SPATA16: variants seen among roughly 807,000 people sequenced by gnomAD.
SPATA16 encodes spermatogenesis associated 16, also known as spermatogenesis-associated protein 16.
SPATA16 carries 36 observed loss-of-function variants against 63.3 expected under a neutral mutation model. The observed-to-expected ratio is 0.57, with a 90% CI of 0.44 to 0.75. SPATA16 has a LOEUF of 0.75. SPATA16 is among the 30% of genes least tolerant of loss of function. The probability of loss-of-function intolerance (pLI) is 0.00; values close to 1 mark genes in which losing one functional copy is unlikely to be tolerated. For missense variants in SPATA16, 646 were observed against 679.3 expected (o/e 0.95, Z 0.54); for synonymous variants, 203 against 216.7 (o/e 0.94, Z 0.56).
chr3:172,979,156 G>C (rs1734238453), intron 4 of SPATA16, among the ~76,000 whole-genome samples: 1 of 152,206 alleles, frequency 6.6e-6, no homozygotes, highest in South Asian at 2.1e-4. Flanking sequence ...AGGATGCCGT[G>C]AACCCAGGAG....
intron 10 of SPATA16, among the ~76,000 whole-genome samples, chr3:172,911,016 C>G (rs1374196242): frequency 6.6e-6 from 1 of 152,138 alleles, no homozygotes; most frequent in Non-Finnish European, 1.5e-5. Context: ...CTCTGCAATT[C>G]CATTTCTTTT....
intron 1 of SPATA16, among the ~76,000 whole-genome samples, chr3:173,131,345 C>G (rs998605149): frequency 7.2e-5 from 11 of 152,128 alleles, no homozygotes; most frequent in African/African-American, 2.7e-4. Flanking sequence ...AAGACCAAAT[C>G]ATTTGTTTCA....
At chr3:172,894,455 T>C (rs1731963212) in intron 10 of SPATA16, among the ~76,000 whole-genome samples, 1 of 147,058 alleles carries the variant, frequency 6.8e-6, no homozygotes, top group Admixed American at 6.9e-5. Context: ...AACATAAAAA[T>C]CTGGGGTACC....
At chr3:173,138,135 A>G (rs950736961) in intron 1 of SPATA16, among the ~76,000 whole-genome samples, 1 of 152,048 alleles carries the variant, frequency 6.6e-6, no homozygotes, top group African/African-American at 2.4e-5. Flanking sequence ...CTCAAGCTAT[A>G]ACTTCGGTGA....
intron 1 of SPATA16, among the ~76,000 whole-genome samples, chr3:173,120,932 G>GA (rs1434201344): frequency 1.3e-5 from 2 of 151,900 alleles, no homozygotes; most frequent in East Asian, 1.9e-4. Flanking sequence ...TTTTACACAA[G>GA]AAAAAATAAC....
At chr3:173,054,928 A>G (rs1215166946) in intron 2 of SPATA16, among the ~76,000 whole-genome samples, 1 of 152,206 alleles carries the variant, frequency 6.6e-6, no homozygotes, top group African/African-American at 2.4e-5. Context: ...TTCTCTGACT[A>G]TAATGGAATA....
chr3:173,128,714 A>C (rs1327459246), intron 1 of SPATA16, among the ~76,000 whole-genome samples: 1 of 152,254 alleles, frequency 6.6e-6, no homozygotes, highest in Non-Finnish European at 1.5e-5. Context: ...AATGTTTAAC[A>C]AGGGTCAGAT....
intron 10 of SPATA16, among the ~76,000 whole-genome samples, chr3:172,904,051 T>A (rs1165373269): frequency 6.6e-6 from 1 of 152,218 alleles, no homozygotes; most frequent in Non-Finnish European, 1.5e-5. Flanking sequence ...ATTTCAAAAT[T>A]AAACCCTGTC....
chr3:172,901,843 A>C (rs1732132969), intron 10 of SPATA16, among the ~76,000 whole-genome samples: 1 of 152,120 alleles, frequency 6.6e-6, no homozygotes, highest in Admixed American at 6.5e-5. Flanking sequence ...TCACTGACAC[A>C]ACATTGTGGG....
chr3:172,986,746 G>A (rs1345995383), intron 4 of SPATA16, among the ~76,000 whole-genome samples: 6 of 152,160 alleles, frequency 3.9e-5, no homozygotes, highest in East Asian at 1.9e-4. Context: ...GCTGTTGTAC[G>A]GTTTTAAATA....
At chr3:172,896,244 G>A (rs144166008) in intron 10 of SPATA16, among the ~76,000 whole-genome samples, 4 of 152,076 alleles carry the variant, frequency 2.6e-5, no homozygotes, top group Admixed American at 6.6e-5. Flanking sequence ...TTTTTGAGAC[G>A]GAGTCTCGCT....
At chr3:173,137,351 G>A (rs1236551442) in intron 1 of SPATA16, among the ~76,000 whole-genome samples, 1 of 152,132 alleles carries the variant, frequency 6.6e-6, no homozygotes, top group Non-Finnish European at 1.5e-5. Flanking sequence ...TGCGAATTAG[G>A]GTGGTAGAAG....
chr3:172,980,636 C>G (rs1734281340), intron 4 of SPATA16, among the ~76,000 whole-genome samples: 1 of 152,146 alleles, frequency 6.6e-6, no homozygotes, highest in Non-Finnish European at 1.5e-5. Context: ...TAGATCTCAT[C>G]CAATCGCGCC....
chr3:173,041,587 A>G (rs1193961066), intron 3 of SPATA16, among the ~76,000 whole-genome samples: 1 of 152,156 alleles, frequency 6.6e-6, no homozygotes, highest in African/African-American at 2.4e-5. Context: ...CAGTAACAAC[A>G]CTAATACTTA....
At chr3:172,986,572 G>T (rs986249807) in intron 4 of SPATA16, among the ~76,000 whole-genome samples, 1 of 152,160 alleles carries the variant, frequency 6.6e-6, no homozygotes. Flanking sequence ...GCCCGAGAAG[G>T]GCATTCTAGG....
intron 5 of SPATA16, among the ~76,000 whole-genome samples, chr3:172,971,883 T>C (rs1417784190): frequency 6.6e-6 from 1 of 152,100 alleles, no homozygotes; most frequent in African/African-American, 2.4e-5. Flanking sequence ...GTTGTTGCAA[T>C]AGTGACAATC....
intron 4 of SPATA16, among the ~76,000 whole-genome samples, chr3:173,011,544 TAAGAA>T (rs978692658): frequency 6.6e-6 from 1 of 152,160 alleles, no homozygotes; most frequent in Non-Finnish European, 1.5e-5. Flanking sequence ...GCATTCCCCT[TAAGAA>T]AAGGAAGAAA....
intron 1 of SPATA16, among the ~76,000 whole-genome samples, chr3:173,139,112 TG>T (rs1738630096): frequency 6.6e-6 from 1 of 152,214 alleles, no homozygotes; most frequent in South Asian, 2.1e-4. Context: ...ATGTAATTGT[TG>T]AGAAGAGTAA....
intron 2 of SPATA16, among the ~76,000 whole-genome samples, chr3:173,082,530 C>T (rs568676559): frequency 6.6e-6 from 1 of 152,324 alleles, no homozygotes; most frequent in Non-Finnish European, 1.5e-5. Flanking sequence ...AATAGTCACC[C>T]ATTGGTGGAC....
Sources: allele counts gnomAD v4.1 joint callset (sites outside exome capture counted in the v4.1 genomes callset), GRCh38; gene constraint gnomAD v4.1.1; transcripts MANE v1.5; gene names NCBI Gene and HGNC (gene_info 2026-07-23, HGNC 2026-07-21).